The following FGD5 variants were observed in gnomAD, a reference collection of about 807,000 sequenced individuals.
FGD5 encodes FYVE, RhoGEF and PH domain-containing protein 5.
A neutral mutation model predicts 133.4 loss-of-function variants in FGD5; 28 were observed. The observed-to-expected ratio is 0.21, with a 90% CI of 0.16 to 0.29. The LOEUF is 0.29. Among genes scored for constraint, FGD5 ranks in the 10% least tolerant of loss-of-function variants. The pLI, the probability that FGD5 is intolerant of heterozygous loss-of-function variation, is 1.00. For synonymous variants in FGD5, 810 were observed against 776.5 expected (o/e 1.04, Z -0.72); for missense variants, 1,858 against 1,895.2 (o/e 0.98, Z 0.36).
chr3:14,836,921 G>A (rs184668772), intron 1 of FGD5, among the ~76,000 whole-genome samples: 240 of 152,320 alleles, frequency 1.6e-3, no homozygotes, highest in Middle Eastern at 6.8e-3. Flanking sequence ...AAGAATTTGC[G>A]ACCTGAAGAA....
chr3:14,865,068 A>G (rs997219248), intron 2 of FGD5, among the ~76,000 whole-genome samples: 11 of 152,104 alleles, frequency 7.2e-5, no homozygotes, highest in African/African-American at 2.4e-4. Context: ...TCTGCGGGGG[A>G]CACAACCACT....
rs377228942 is a variant in FGD5, at chr3:14,820,820, C to T, written c.1749C>T (p.Leu583=). The change falls in exon 1 of 20, where the codon CTC becomes CTT. Residue 583 remains leucine, a synonymous_variant. Coordinates refer to ENST00000285046, the MANE Select transcript of FGD5 (RefSeq NM_152536.4). ...DHRIKRKEDN[L]SLSCVIGSSG... ...GGATAAAGAGGAAAGAGGACAATCTCTCTCTGTCGTGTGTAATTGGCTCCT... is the reference window on the plus strand; with the variant it reads ...GGATAAAGAGGAAAGAGGACAATCTTTCTCTGTCGTGTGTAATTGGCTCCT... The T allele has an allele frequency of 8.1e-6, 13 of 1,613,778 alleles. No homozygotes were observed. In the African/African-American group the frequency reaches 1.1e-4, roughly 13 times the overall value.
intron 1 of FGD5, among the ~76,000 whole-genome samples, chr3:14,826,021 A>G (rs1338111215): frequency 6.6e-6 from 1 of 152,138 alleles, no homozygotes; most frequent in Admixed American, 6.5e-5. Context: ...CATGACACAG[A>G]CTCACTTGTC....
At chr3:14,912,539 G>A (rs1687305) in intron 11 of FGD5, among the ~76,000 whole-genome samples, 12,637 of 151,974 alleles carry the variant, frequency 0.083, 978 homozygotes, top group East Asian at 0.42. Flanking sequence ...TCTCTAGGTC[G>A]TTTTTTTTAA....
intron 1 of FGD5, among the ~76,000 whole-genome samples, chr3:14,863,432 T>C (rs890143708): frequency 2.0e-5 from 3 of 152,240 alleles, no homozygotes; most frequent in Admixed American, 2.0e-4. Context: ...ACCAGTGTTT[T>C]ACTCGATGCC....
intron 11 of FGD5, among the ~76,000 whole-genome samples, chr3:14,916,027 TCCCC>T (rs1328052507): frequency 6.6e-6 from 1 of 152,152 alleles, no homozygotes; most frequent in African/African-American, 2.4e-5. Flanking sequence ...TGCATAGGGC[TCCCC>T]CTGGTTGATG....
upstream of FGD5, among the ~76,000 whole-genome samples, chr3:14,814,747 G>A (rs758971970): frequency 3.3e-5 from 5 of 152,170 alleles, no homozygotes; most frequent in Admixed American, 6.5e-5. Context: ...AGGGTGTGTA[G>A]TAGGTGACTG....
chr3:14,914,262 G>T (rs1206347309), intron 11 of FGD5, among the ~76,000 whole-genome samples: 1 of 152,216 alleles, frequency 6.6e-6, no homozygotes, highest in Non-Finnish European at 1.5e-5. Flanking sequence ...CAGAGTTGGG[G>T]CATCTGGGCG....
intron 1 of FGD5, among the ~76,000 whole-genome samples, chr3:14,853,127 C>T (rs1687320): frequency 6.6e-6 from 1 of 151,818 alleles, no homozygotes; most frequent in Admixed American, 6.6e-5. Flanking sequence ...CTTTGTCTTC[C>T]GTGGTCCCAG....
At chr3:14,872,903 A>G (rs1367646858) in intron 2 of FGD5, among the ~76,000 whole-genome samples, 2 of 152,226 alleles carry the variant, frequency 1.3e-5, no homozygotes, top group Non-Finnish European at 2.9e-5. Flanking sequence ...AATTGTTTCG[A>G]CATTGCTTAT....
intron 18 of FGD5, among the ~76,000 whole-genome samples, chr3:14,928,948 A>G (rs58118641): frequency 0.085 from 12,894 of 152,164 alleles, 1,591 homozygotes; most frequent in African/African-American, 0.27. Flanking sequence ...TCTAATTTAT[A>G]TATAATGAAG....
At chr3:14,928,178 G>C (rs892487955) in intron 18 of FGD5, among the ~76,000 whole-genome samples, 1 of 151,892 alleles carries the variant, frequency 6.6e-6, no homozygotes, top group Non-Finnish European at 1.5e-5. Flanking sequence ...TTGACCTCAT[G>C]ATCCACCCAC....
At chr3:14,836,544 G>T (rs893848431) in intron 1 of FGD5, among the ~76,000 whole-genome samples, 1 of 152,212 alleles carries the variant, frequency 6.6e-6, no homozygotes, top group South Asian at 2.1e-4. Context: ...GCCAGCCTTT[G>T]CCCGACTTTT....
At chr3:14,852,912 G>A (rs2037194482) in intron 1 of FGD5, among the ~76,000 whole-genome samples, 1 of 152,150 alleles carries the variant, frequency 6.6e-6, no homozygotes, top group Non-Finnish European at 1.5e-5. Context: ...TGGGATGTGT[G>A]TGTCTGGTCT....
chr3:14,881,098 T>C (rs942676189), intron 4 of FGD5, among the ~76,000 whole-genome samples: 1 of 152,068 alleles, frequency 6.6e-6, no homozygotes, highest in Admixed American at 6.5e-5. Context: ...TTGCTATGTG[T>C]GAGTTTGTGT....
chr3:14,873,838 C>T (rs1387669495), intron 2 of FGD5, among the ~76,000 whole-genome samples: 2 of 151,968 alleles, frequency 1.3e-5, no homozygotes, highest in African/African-American at 4.8e-5. Flanking sequence ...TCTCCTGCCT[C>T]AGCCTTCCGA....
intron 1 of FGD5, among the ~76,000 whole-genome samples, chr3:14,828,531 A>G (rs2036644573): frequency 1.3e-5 from 2 of 152,150 alleles, no homozygotes; most frequent in Non-Finnish European, 2.9e-5. Flanking sequence ...TCTCTCTCTC[A>G]TTTCTGAGTG....
At chr3:14,879,496 G>T (rs2037784941) in intron 2 of FGD5, among the ~76,000 whole-genome samples, 1 of 152,208 alleles carries the variant, frequency 6.6e-6, no homozygotes, top group Admixed American at 6.5e-5. Context: ...TCATATAGGT[G>T]TGGAAGCTGG....
rs572386037 is a variant in FGD5, at chr3:14,852,524, T to G, written c.2526-11604T>G. Among the ~76,000 whole-genome samples the G allele has an allele frequency of 5.3e-5, 8 of 152,296 alleles. 1 individual carries two copies. In the East Asian group the frequency reaches 1.5e-3, roughly 29 times the overall value. Reference sequence around the variant, plus strand: ...GGCCACACAACTCTTTCAAATATACTAATATACTAAAAAGCACTGAATTGT... The same window carrying G: ...GGCCACACAACTCTTTCAAATATACGAATATACTAAAAAGCACTGAATTGT... On this transcript the variant is annotated intron_variant, in intron 1 of 19. Coordinates refer to ENST00000285046, the MANE Select transcript of FGD5 (RefSeq NM_152536.4).
Sources: allele counts gnomAD v4.1 joint callset (sites outside exome capture counted in the v4.1 genomes callset), GRCh38; gene constraint gnomAD v4.1.1; transcripts MANE v1.5; gene names NCBI Gene and HGNC (gene_info 2026-07-23, HGNC 2026-07-21).